MAP2: variants seen among roughly 807,000 people sequenced by gnomAD.
The protein encoded by MAP2 is microtubule associated protein 2, also known as microtubule-associated protein 2.
In MAP2, 14 loss-of-function variants were observed where a neutral mutation model predicts 137.6. The observed-to-expected ratio is 0.10, with a 90% CI of 0.07 to 0.16. MAP2 has a LOEUF of 0.16. Among genes scored for constraint, MAP2 ranks in the 10% least tolerant of loss-of-function variants. The pLI, the probability that MAP2 is intolerant of heterozygous loss-of-function variation, is 1.00. For missense variants in MAP2, 2,088 were observed against 2,191.5 expected, an observed-to-expected ratio of 0.95 and a Z score of 0.94; for synonymous variants, 786 against 782.3, an observed-to-expected ratio of 1.00 and a Z score of -0.08.
At chr2:209,615,532 T>C (rs1048004248) in intron 3 of MAP2, among the ~76,000 whole-genome samples, 1 of 152,224 alleles carries the variant, frequency 6.6e-6, no homozygotes, top group East Asian at 1.9e-4. Flanking sequence ...ATTGACACTT[T>C]GCAATTTTCC....
chr2:209,694,447 C>T lies in MAP2; in HGVS notation c.2277C>T (p.Phe759=), dbSNP rs1218025392. 1.9e-6 allele frequency: 3 copies of T among 1,613,940 alleles called. No homozygotes were observed. The highest frequency in any genetic ancestry group is 2.5e-6 in the Non-Finnish European group (3 of 1,179,950). Residue 759 remains phenylalanine (F), a synonymous_variant, in exon 8 of 16, where the codon TTC becomes TTT. Coordinates refer to ENST00000682079, the MANE Select transcript of MAP2 (RefSeq NM_001375505.1). ...CTGCACTGGAGAAAGCCCCTTGCTT[C>T]CCTGTAGAAAGCAAAGAGGAAGAAC... is the stretch of plus-strand genomic sequence containing the variant. ...TTPALEKAPC[F]PVESKEEEQI...
At chr2:209,680,645 G>C (rs1346634976) in intron 6 of MAP2, 105 bp from the exon 7 acceptor site, 26 of 958,822 alleles carry the variant, frequency 2.7e-5, no homozygotes, top group Non-Finnish European at 4.3e-5. Flanking sequence ...ATCTTTTTCT[G>C]AATTTTATAG....
At chr2:209,663,388 C>G (rs1012084939) in intron 5 of MAP2, among the ~76,000 whole-genome samples, 1 of 152,108 alleles carries the variant, frequency 6.6e-6, no homozygotes, top group Admixed American at 6.5e-5. Flanking sequence ...GACACTAAAC[C>G]GTGTCCTGCC....
intron 5 of MAP2, among the ~76,000 whole-genome samples, chr2:209,655,257 T>G (rs1222218851): frequency 1.3e-5 from 2 of 152,232 alleles, no homozygotes; most frequent in Non-Finnish European, 2.9e-5. Flanking sequence ...TTTTGGAGAT[T>G]GATTACAAAG....
At chr2:209,614,800 A>C (rs925774333) in intron 3 of MAP2, among the ~76,000 whole-genome samples, 1 of 152,152 alleles carries the variant, frequency 6.6e-6, no homozygotes, top group Middle Eastern at 3.2e-3. Context: ...CCACTGTGCT[A>C]ATTAAGTGAT....
intron 1 of MAP2, among the ~76,000 whole-genome samples, chr2:209,505,370 T>C (rs1265179654): frequency 6.6e-6 from 1 of 152,214 alleles, no homozygotes; most frequent in Non-Finnish European, 1.5e-5. Flanking sequence ...CACTTACTAA[T>C]GGGATTTTTG....
chr2:209,503,780 A>G (rs1271187895), intron 1 of MAP2, among the ~76,000 whole-genome samples: 1 of 152,212 alleles, frequency 6.6e-6, no homozygotes, highest in African/African-American at 2.4e-5. Context: ...AAAATACGAC[A>G]GTAAGCACCT....
At chr2:209,717,003 G>C (rs1017611535) in intron 13 of MAP2, among the ~76,000 whole-genome samples, 1 of 152,104 alleles carries the variant, frequency 6.6e-6, no homozygotes, top group Non-Finnish European at 1.5e-5. Flanking sequence ...TGTCATAAGG[G>C]AAGAAGGAGA....
chr2:209,508,939 C>A (rs980203590), intron 2 of MAP2, among the ~76,000 whole-genome samples: 6 of 151,678 alleles, frequency 4.0e-5, no homozygotes, highest in Non-Finnish European at 7.4e-5. Context: ...ACTTTTATCC[C>A]CTACTAGCCC....
At chr2:209,680,438 T>G (rs1481798097) in intron 6 of MAP2, among the ~76,000 whole-genome samples, 1 of 152,168 alleles carries the variant, frequency 6.6e-6, no homozygotes, top group Non-Finnish European at 1.5e-5. Context: ...AAATGAAATA[T>G]TTTATTAATT....
In MAP2 at chr2:209,544,538, A is replaced by G. The variant is rs148874359; in HGVS notation, c.-171-35498A>G. 1.3e-3 allele frequency among the ~76,000 whole-genome samples: 205 copies of G among 152,266 alleles called. 1 individual carries two copies. The highest frequency in any genetic ancestry group is 3.7e-3 in the African/African-American group (155 of 41,548). On this transcript the variant is annotated intron_variant, in intron 2 of 15. Coordinates refer to ENST00000682079, the MANE Select transcript of MAP2 (RefSeq NM_001375505.1). ...CATCATAGCTCTCGTAACTTTCCAA[A>G]TTGCTGCTTAGGCCAGCGTAGAAGG... is the stretch of plus-strand genomic sequence containing the variant.
intron 3 of MAP2, among the ~76,000 whole-genome samples, chr2:209,599,620 TA>T (rs1559384112): frequency 1.3e-5 from 2 of 152,338 alleles, no homozygotes; most frequent in East Asian, 3.9e-4. Flanking sequence ...TAGCTGCCTG[TA>T]TTTAAAAAAC....
At chr2:209,461,089 A>C (rs6709711) in intron 1 of MAP2, among the ~76,000 whole-genome samples, 10,979 of 152,196 alleles carry the variant, frequency 0.072, 526 homozygotes, top group Non-Finnish European at 0.11. Context: ...GTTTCACTGG[A>C]AAGTAAAAAT....
intron 1 of MAP2, among the ~76,000 whole-genome samples, chr2:209,450,244 C>A (rs115339210): frequency 6.6e-6 from 1 of 152,062 alleles, no homozygotes; most frequent in Non-Finnish European, 1.5e-5. Flanking sequence ...GCACAGCCAA[C>A]TTACCTTTTT....
At chr2:209,664,364 A>G (rs1007637358) in intron 5 of MAP2, among the ~76,000 whole-genome samples, 10 of 152,122 alleles carry the variant, frequency 6.6e-5, no homozygotes, top group African/African-American at 2.2e-4. Flanking sequence ...AGCCTGGCCA[A>G]CATAGTGAAA....
intron 3 of MAP2, among the ~76,000 whole-genome samples, chr2:209,581,205 A>G (rs2076339818): frequency 6.6e-6 from 1 of 152,162 alleles, no homozygotes; most frequent in Admixed American, 6.5e-5. Flanking sequence ...ACCTTAATTT[A>G]TTCATTCCAC....
chr2:209,619,908 G>C (rs968169818), intron 3 of MAP2, among the ~76,000 whole-genome samples: 1 of 152,080 alleles, frequency 6.6e-6, no homozygotes, highest in Non-Finnish European at 1.5e-5. Flanking sequence ...ACAGTGGGCT[G>C]TAAGAGGAAG....
At chr2:209,706,112 A>G (rs1462968124) in intron 12 of MAP2, among the ~76,000 whole-genome samples, 3 of 152,178 alleles carry the variant, frequency 2.0e-5, no homozygotes, top group Non-Finnish European at 2.9e-5. Context: ...TCCAAGTTGT[A>G]AAATCTAACT....
chr2:209,470,083 G>A (rs1318121853), intron 1 of MAP2, among the ~76,000 whole-genome samples: 1 of 152,148 alleles, frequency 6.6e-6, no homozygotes, highest in Non-Finnish European at 1.5e-5. Context: ...AAACACATAT[G>A]TTTGCTTTCA....
Sources: allele counts gnomAD v4.1 joint callset (sites outside exome capture counted in the v4.1 genomes callset), GRCh38; gene constraint gnomAD v4.1.1; transcripts MANE v1.5; gene names NCBI Gene and HGNC (gene_info 2026-07-23, HGNC 2026-07-21).